The following RIMS1 variants were observed in gnomAD, a reference collection of about 807,000 sequenced individuals.
RIMS1 encodes regulating synaptic membrane exocytosis 1.
In RIMS1, 83 loss-of-function variants were observed where a neutral mutation model predicts 214.1. That is an observed-to-expected ratio of 0.39 (90% CI 0.32 to 0.47). The LOEUF is 0.47. Among genes scored for constraint, RIMS1 ranks in the 20% least tolerant of loss-of-function variants. The pLI, the probability that RIMS1 is intolerant of heterozygous loss-of-function variation, is 0.99. For synonymous variants in RIMS1, 793 were observed against 786.8 expected (o/e 1.01, Z -0.13); for missense variants, 2,050 against 2,161.8 (o/e 0.95, Z 1.03).
intron 6 of RIMS1, among the ~76,000 whole-genome samples, chr6:72,203,187 C>G (rs1562568132): frequency 6.6e-6 from 1 of 151,992 alleles, no homozygotes; most frequent in South Asian, 2.1e-4. Flanking sequence ...CGGGGTTTCA[C>G]CGTGTTAGCC....
At chr6:72,116,047 T>C (rs1476833161) in intron 4 of RIMS1, among the ~76,000 whole-genome samples, 1 of 152,032 alleles carries the variant, frequency 6.6e-6, no homozygotes. Flanking sequence ...TCCTACTTAA[T>C]GTATTTCTTG....
At chr6:72,117,005 G>C (rs2037213224) in intron 4 of RIMS1, among the ~76,000 whole-genome samples, 1 of 151,862 alleles carries the variant, frequency 6.6e-6, no homozygotes, top group African/African-American at 2.4e-5. Flanking sequence ...TGAGAAAATT[G>C]AGTCACAACC....
chr6:72,191,959 A>T lies in RIMS1; in HGVS notation c.1678+8810A>T, dbSNP rs547101612. Among the ~76,000 whole-genome samples the T allele has an allele frequency of 4.6e-5, 7 of 152,140 alleles. No individual in the cohort carries two copies. The South Asian group carries it at 1.2e-3, about 27-fold the overall frequency. On this transcript the variant is annotated intron_variant, in intron 6 of 33. Transcript: ENST00000521978. ...CTCCAGGGATGTGATATTGTTTTTG[A>T]TTTACTATTTTTCTAGGTAGAGGCA...
rs572696767 is a variant in RIMS1 at position 72,162,557 on chromosome 6, T to C, written c.472-17018T>C. ...TTCCTTTCCGTGTTTAGTGCTTCCT[T>C]CAGGAGCTCTTGTAAGGCAGGCCTG... is the stretch of plus-strand genomic sequence containing the variant. On this transcript the variant is annotated intron_variant, in intron 4 of 33. Transcript: ENST00000521978. 1.0e-3 allele frequency among the ~76,000 whole-genome samples: 147 copies of C among 141,014 alleles called. 8 individuals are homozygous for C. Among genetic ancestry groups the C allele is most frequent in the African/African-American group, 3.5e-3 (141 of 40,764 alleles). 92.5% of individuals were successfully genotyped at this position (141,014 alleles called of 152,430 possible). A position where few individuals can be genotyped will look rare whatever the true frequency, so the allele number is the denominator to read the frequency against.
intron 29 of RIMS1, among the ~76,000 whole-genome samples, chr6:72,357,528 G>T (rs2097685987): frequency 6.6e-6 from 1 of 152,190 alleles, no homozygotes; most frequent in African/African-American, 2.4e-5. Flanking sequence ...GATTTCAGGT[G>T]CCTCTCTGCC....
At chr6:71,939,686 G>A (rs1008763749) in intron 1 of RIMS1, among the ~76,000 whole-genome samples, 15 of 152,152 alleles carry the variant, frequency 9.9e-5, no homozygotes, top group African/African-American at 3.4e-4. Flanking sequence ...GAGGGATAAA[G>A]GGGACCAAAC....
intron 23 of RIMS1, among the ~76,000 whole-genome samples, chr6:72,276,958 T>TG (rs1294208579): frequency 1.1e-4 from 16 of 152,344 alleles, no homozygotes; most frequent in Admixed American, 3.9e-4. Context: ...CTTTTATTGT[T>TG]GGACACTGGT....
intron 1 of RIMS1, 98 bp downstream of exon 1, chr6:71,887,285 G>A: frequency 1.4e-6 from 2 of 1,475,118 alleles, no homozygotes; most frequent in Non-Finnish European, 1.8e-6. Context: ...TGGGGAAGGG[G>A]CTGCCAGGGT....
chr6:72,116,434 G>A (rs1395495138), intron 4 of RIMS1, among the ~76,000 whole-genome samples: 1 of 152,028 alleles, frequency 6.6e-6, no homozygotes, highest in Admixed American at 6.6e-5. Flanking sequence ...ACTGGAAGTA[G>A]TCTGAAGACA....
chr6:72,319,099 G>A (rs1017901736), intron 28 of RIMS1, among the ~76,000 whole-genome samples: 24 of 152,148 alleles, frequency 1.6e-4, no homozygotes, highest in South Asian at 4.2e-4. Flanking sequence ...AAACATGTAG[G>A]TGTGAAAAGT....
In RIMS1 at chr6:71,886,900, GCTC is replaced by G. The variant is rs1196008138; in HGVS notation, c.-115_-113del. ...TGCTGCTGCTGCCGCCGCCGCCGCT[GCTC>G]CTCCTCCTGCCGCCGCCGCTAGGGC... is the stretch of plus-strand genomic sequence containing the variant. On this transcript the variant is annotated 5_prime_UTR_variant, in exon 1 of 34. Coordinates refer to ENST00000521978, the MANE Select transcript of RIMS1 (RefSeq NM_014989.7). The G allele has an allele frequency of 3.6e-6, 4 of 1,110,582 alleles. No individual in the cohort carries two copies. Among genetic ancestry groups the G allele is most frequent in the East Asian group, 2.5e-5 (1 of 39,862 alleles). 68.8% of individuals were successfully genotyped at this position (1,110,582 alleles called of 1,614,324 possible). A position where few individuals can be genotyped will look rare whatever the true frequency, so the allele number is the denominator to read the frequency against.
intron 5 of RIMS1, 58 bp from the exon 6 acceptor site, chr6:72,182,226 G>GT (rs2048503560): frequency 1.4e-6 from 2 of 1,478,274 alleles, no homozygotes; most frequent in South Asian, 1.4e-5. Context: ...AAGAAAACAT[G>GT]TTTTTTATGT....
intron 4 of RIMS1, among the ~76,000 whole-genome samples, chr6:72,127,295 C>T (rs2039707821): frequency 6.6e-6 from 1 of 152,018 alleles, no homozygotes; most frequent in African/African-American, 2.4e-5. Flanking sequence ...AATACCAGTA[C>T]ATGCTGTGAT....
intron 2 of RIMS1, among the ~76,000 whole-genome samples, chr6:72,055,776 A>G (rs538459): frequency 0.77 from 117,889 of 152,196 alleles, 46,294 homozygotes; most frequent in African/African-American, 0.91. Context: ...ATGCTGGTAA[A>G]GTTGTGGACA....
chr6:72,333,904 A>G, intron 29 of RIMS1, 69 bp downstream of exon 29: 2 of 1,051,232 alleles, frequency 1.9e-6, no homozygotes, highest in Non-Finnish European at 1.4e-6. Context: ...TCTTCATGCT[A>G]TGGCTTGTGA....
chr6:72,262,599 A>G (rs2154166955), intron 19 of RIMS1: 1 of 949,454 alleles, frequency 1.1e-6, no homozygotes, highest in Non-Finnish European at 1.3e-6. Context: ...ACGTGCATGT[A>G]TGTATATATA....
At chr6:72,325,788 G>A (rs943741105) in intron 28 of RIMS1, among the ~76,000 whole-genome samples, 5 of 151,944 alleles carry the variant, frequency 3.3e-5, no homozygotes, top group African/African-American at 1.2e-4. Context: ...CTTACTTGAA[G>A]AGATTGAATA....
chr6:72,057,675 T>C (rs1826690035), intron 2 of RIMS1, among the ~76,000 whole-genome samples: 1 of 151,980 alleles, frequency 6.6e-6, no homozygotes, highest in Non-Finnish European at 1.5e-5. Context: ...TACTAGCTAA[T>C]TTTTTGTATT....
chr6:72,330,093 G>C (rs774903560), intron 28 of RIMS1, among the ~76,000 whole-genome samples: 56 of 151,784 alleles, frequency 3.7e-4, no homozygotes, highest in Admixed American at 2.0e-4. Flanking sequence ...TGATAAAAGA[G>C]GATCAAGGTC....
Sources: allele counts gnomAD v4.1 joint callset (sites outside exome capture counted in the v4.1 genomes callset), GRCh38; gene constraint gnomAD v4.1.1; transcripts MANE v1.5; gene names NCBI Gene and HGNC (gene_info 2026-07-23, HGNC 2026-07-21).